SORCS2: variants seen among roughly 807,000 people sequenced by gnomAD.
The protein encoded by SORCS2 is sortilin related VPS10 domain containing receptor 2, also known as VPS10 domain-containing receptor SorCS2.
A neutral mutation model predicts 141.6 loss-of-function variants in SORCS2; 100 were observed. The ratio of observed to expected loss-of-function variants is 0.71; its 90% CI spans 0.60 to 0.83. SORCS2 has a LOEUF of 0.83. Ranked by LOEUF, SORCS2 falls within the 40% of genes least tolerant of loss-of-function variation. SORCS2 has a pLI of 0.00. For synonymous variants in SORCS2, 789 were observed against 676.9 expected (o/e 1.17, Z -2.57); for missense variants, 1,646 against 1,560.2 (o/e 1.05, Z -0.93).
chr4:7,255,654 G>C (rs1337112428), intron 1 of SORCS2, among the ~76,000 whole-genome samples: 1 of 152,216 alleles, frequency 6.6e-6, no homozygotes, highest in Non-Finnish European at 1.5e-5. Context: ...TCAGGCGGGG[G>C]CCGGCTCCTG....
intron 2 of SORCS2, among the ~76,000 whole-genome samples, chr4:7,487,079 G>C (rs1392534319): frequency 1.3e-5 from 2 of 152,044 alleles, no homozygotes; most frequent in Non-Finnish European, 2.9e-5. Context: ...CTACCTCTCC[G>C]AGGGCCAGCC....
intron 1 of SORCS2, among the ~76,000 whole-genome samples, chr4:7,348,694 G>A (rs1720773510): frequency 6.6e-6 from 1 of 152,168 alleles, no homozygotes; most frequent in Non-Finnish European, 1.5e-5. Flanking sequence ...TGGGTTTACA[G>A]GGGCGCACCA....
intron 3 of SORCS2, among the ~76,000 whole-genome samples, chr4:7,629,678 A>G (rs954703441): frequency 2.0e-5 from 3 of 150,462 alleles, no homozygotes; most frequent in Non-Finnish European, 4.4e-5. Context: ...CGGCACCCCC[A>G]GCCAGGAGTC....
intron 1 of SORCS2, among the ~76,000 whole-genome samples, chr4:7,322,663 G>C (rs1560191397): frequency 6.6e-6 from 1 of 152,214 alleles, no homozygotes; most frequent in Non-Finnish European, 1.5e-5. Flanking sequence ...CCGCTCAAGA[G>C]TCTCAGCCCC....
intron 2 of SORCS2, among the ~76,000 whole-genome samples, chr4:7,435,631 G>A (rs777114601): frequency 1.3e-5 from 2 of 152,240 alleles, no homozygotes; most frequent in African/African-American, 4.8e-5. Flanking sequence ...CTGGTCTGTA[G>A]TAGGCGTAGA....
At chr4:7,680,286 C>T (rs956136386) in intron 9 of SORCS2, among the ~76,000 whole-genome samples, 1 of 152,230 alleles carries the variant, frequency 6.6e-6, no homozygotes, top group Non-Finnish European at 1.5e-5. Flanking sequence ...GACACAGGCT[C>T]ACACCCATGC....
chr4:7,332,125 C>T lies in SORCS2; in HGVS notation c.481-64163C>T, dbSNP rs546590316. On this transcript the variant is annotated intron_variant, in intron 1 of 26. Coordinates refer to ENST00000507866, the MANE Select transcript of SORCS2 (RefSeq NM_020777.3). ...AGCACCAACTGTGTGCCTGGCATTT[C>T]CTTTGTCCTTGCTACAGGAGAGCAT... Among the ~76,000 whole-genome samples, 54 of 152,324 alleles carry T rather than the reference C, an allele frequency of 3.5e-4. No individual in the cohort carries two copies. In the South Asian group the frequency reaches 0.011, roughly 32 times the overall value.
chr4:7,602,899 G>A (rs1560419182), intron 3 of SORCS2, among the ~76,000 whole-genome samples: 1 of 152,248 alleles, frequency 6.6e-6, no homozygotes, highest in Non-Finnish European at 1.5e-5. Flanking sequence ...GACTCCGTCT[G>A]CAATCCCGGC....
At chr4:7,433,934 T>C (rs1032686813) in intron 2 of SORCS2, 6 of 1,613,568 alleles carry the variant, frequency 3.7e-6, no homozygotes, top group Non-Finnish European at 5.1e-6. Flanking sequence ...TGGGTGATCA[T>C]GAGCTCAGAG....
chr4:7,712,202 C>G (rs1290450175), intron 14 of SORCS2, among the ~76,000 whole-genome samples: 2 of 152,248 alleles, frequency 1.3e-5, no homozygotes, highest in African/African-American at 2.4e-5. Context: ...CTTGTTATTT[C>G]TCTTTGAATC....
chr4:7,543,915 C>CCCATCCAT (rs1560373743), intron 3 of SORCS2, among the ~76,000 whole-genome samples: 5,436 of 31,048 alleles, frequency 0.18, 1,950 homozygotes, highest in Admixed American at 0.2. Flanking sequence ...CACCCATCCA[C>CCCATCCAT]CCATCCACCC....
At chr4:7,318,216 G>T (rs1344857551) in intron 1 of SORCS2, among the ~76,000 whole-genome samples, 6 of 152,204 alleles carry the variant, frequency 3.9e-5, no homozygotes, top group Non-Finnish European at 7.3e-5. Context: ...GGAAACCAAG[G>T]CTCAGGGAGG....
chr4:7,539,741 CG>C (rs1293572387), intron 3 of SORCS2, among the ~76,000 whole-genome samples: 1 of 51,436 alleles, frequency 1.9e-5, no homozygotes, highest in African/African-American at 4.4e-5. Context: ...CCTGCTGTGG[CG>C]GCCCCACCCC....
intron 3 of SORCS2, among the ~76,000 whole-genome samples, chr4:7,543,703 TCCATCCACCCATCCAC>T (rs1157943501): frequency 5.3e-4 from 10 of 18,890 alleles, no homozygotes; most frequent in African/African-American, 1.7e-3. Flanking sequence ...CACCCATCCA[TCCATCCACCCATCCAC>T]CCATCCACCC....
Position 7,192,693 on chromosome 4 carries a change from C to T in SORCS2, c.47C>T (p.Thr16Ile). 1.0e-6 allele frequency: 1 copy of T among 989,100 alleles called. No individual in the cohort carries two copies. The highest frequency in any genetic ancestry group is 1.2e-6 in the Non-Finnish European group (1 of 833,852). The allele number at this position is 989,100 out of a possible 1,614,324, so 61.3% of individuals were successfully genotyped here. ...PSRASKGPGPTARAPSPGAPP... is the reference protein window; with the variant it reads ...PSRASKGPGPIARAPSPGAPP... Reference sequence around the variant, plus strand: ...CGCGCCTCGAAGGGCCCCGGCCCCACCGCCCGAGCCCCGAGCCCCGGGGCT... The same window carrying T: ...CGCGCCTCGAAGGGCCCCGGCCCCATCGCCCGAGCCCCGAGCCCCGGGGCT... Residue 16 changes from threonine (T) to isoleucine (I), a missense_variant, in exon 1 of 27, where the codon ACC becomes ATC. Transcript: ENST00000507866. This position sits in a 1 kb window ranked among gnomAD's most constrained non-coding sequence, Gnocchi z 4.0.
At chr4:7,522,122 T>C (rs1577691772) in intron 2 of SORCS2, among the ~76,000 whole-genome samples, 2 of 152,290 alleles carry the variant, frequency 1.3e-5, no homozygotes, top group East Asian at 1.9e-4. Flanking sequence ...CTCAGAAAGG[T>C]GTAAACCTTG....
intron 1 of SORCS2, among the ~76,000 whole-genome samples, chr4:7,367,301 C>G (rs1250729104): frequency 2.0e-5 from 3 of 152,224 alleles, no homozygotes; most frequent in African/African-American, 7.2e-5. Context: ...GGTGACCCGG[C>G]AAATTCACGT....
chr4:7,631,348 A>G (rs1719881082), intron 3 of SORCS2, among the ~76,000 whole-genome samples: 1 of 151,234 alleles, frequency 6.6e-6, no homozygotes, highest in African/African-American at 2.4e-5. Context: ...GAAGAGCCAG[A>G]GAAGGGCATC....
At chr4:7,640,414 G>T (rs929640076) in intron 4 of SORCS2, among the ~76,000 whole-genome samples, 1 of 136,090 alleles carries the variant, frequency 7.3e-6, no homozygotes, top group African/African-American at 2.7e-5. Flanking sequence ...GTGGGTGAGT[G>T]TGTGTGATCG....
Sources: gnomAD v4.1 joint callset for allele counts (sites outside exome capture counted in the v4.1 genomes callset) on GRCh38, gnomAD v4.1.1 for gene constraint, Gnocchi (gnomAD v3.1) non-coding constraint, MANE v1.5 for transcripts, NCBI Gene and HGNC (gene_info 2026-07-23, HGNC 2026-07-21) for gene names.